ENPP6: variants seen among roughly 807,000 people sequenced by gnomAD.
ENPP6 encodes ectonucleotide pyrophosphatase/phosphodiesterase 6.
In ENPP6, 32 loss-of-function variants were observed where a neutral mutation model predicts 42.0. The observed-to-expected ratio is 0.76, with a 90% CI of 0.58 to 1.02. The LOEUF (loss-of-function observed/expected upper bound fraction) is 1.02. Among genes scored for constraint, ENPP6 ranks in the 50% least tolerant of loss-of-function variants. The pLI, the probability that ENPP6 is intolerant of heterozygous loss-of-function variation, is 0.00. For missense variants in ENPP6, 552 were observed against 566.8 expected (o/e 0.97, Z 0.27); for synonymous variants, 213 against 216.0 (o/e 0.99, Z 0.12).
At chr4:184,178,078 T>C (rs1012311528) in intron 1 of ENPP6, among the ~76,000 whole-genome samples, 1 of 152,006 alleles carries the variant, frequency 6.6e-6, no homozygotes, top group Admixed American at 6.6e-5. Flanking sequence ...TTTGCTGAGC[T>C]AAAGGAGCAT....
intron 1 of ENPP6, among the ~76,000 whole-genome samples, chr4:184,175,272 C>T (rs1264026025): frequency 6.6e-6 from 1 of 152,188 alleles, no homozygotes; most frequent in Non-Finnish European, 1.5e-5. Flanking sequence ...ACACATCTCC[C>T]TGCTTCAGCA....
chr4:184,134,229 T>C (rs1736692123), intron 2 of ENPP6, among the ~76,000 whole-genome samples: 2 of 152,098 alleles, frequency 1.3e-5, no homozygotes, highest in Non-Finnish European at 2.9e-5. Flanking sequence ...TGTTCTTGCC[T>C]CAGCCTCCCA....
At chr4:184,102,819 G>C (rs1477901322) in intron 6 of ENPP6, among the ~76,000 whole-genome samples, 2 of 152,248 alleles carry the variant, frequency 1.3e-5, no homozygotes, top group African/African-American at 4.8e-5. Context: ...GGACCACCCT[G>C]AGCTCAGCCT....
intron 2 of ENPP6, among the ~76,000 whole-genome samples, chr4:184,141,193 T>G (rs1248863965): frequency 6.6e-6 from 1 of 152,122 alleles, no homozygotes; most frequent in Non-Finnish European, 1.5e-5. Context: ...AGGGGGAGTG[T>G]TGTGTGAATC....
chr4:184,145,921 A>G (rs749573296), intron 2 of ENPP6, among the ~76,000 whole-genome samples: 3 of 152,254 alleles, frequency 2.0e-5, no homozygotes, highest in Non-Finnish European at 4.4e-5. Context: ...GGAACAAAGC[A>G]ATCTGGCTGG....
chr4:184,191,406 C>T (rs890730061), intron 1 of ENPP6, among the ~76,000 whole-genome samples: 1 of 152,178 alleles, frequency 6.6e-6, no homozygotes, highest in Non-Finnish European at 1.5e-5. Flanking sequence ...GTACGTTCTG[C>T]TCCCTGCTTG....
rs144247313 is a variant in ENPP6 at position 184,162,949 on chromosome 4, C to T, written c.242-9216G>A. On this transcript the variant is annotated intron_variant, in intron 1 of 7. Coordinates refer to ENST00000296741, the MANE Select transcript of ENPP6 (RefSeq NM_153343.4). Reference sequence around the variant, plus strand: ...CATTACCACCCACCCACTCCGCTCCCCGAGTGGTGAATAGCAAGTGGACCT... The same window carrying T: ...CATTACCACCCACCCACTCCGCTCCTCGAGTGGTGAATAGCAAGTGGACCT... Among the ~76,000 whole-genome samples the T allele has an allele frequency of 1.9e-4, 29 of 152,214 alleles. No individual in the cohort carries two copies. The East Asian group carries it at 5.6e-3, about 29-fold the overall frequency.
chr4:184,101,532 G>A (rs1171533398), intron 6 of ENPP6, among the ~76,000 whole-genome samples: 1 of 152,130 alleles, frequency 6.6e-6, no homozygotes, highest in African/African-American at 2.4e-5. Flanking sequence ...CCATCAGAGA[G>A]AGACAGCTGG....
At chr4:184,153,060 C>G (rs1283118750) in intron 2 of ENPP6, among the ~76,000 whole-genome samples, 1 of 151,692 alleles carries the variant, frequency 6.6e-6, no homozygotes, top group Non-Finnish European at 1.5e-5. Context: ...AGCATTATCT[C>G]TGGTCTGATG....
rs529015134 is a variant in ENPP6, at chr4:184,156,826, C to T, written c.242-3093G>A. ...CAGAGTCTTACTCAAGCATGTTCGA[C>T]GTAGTGACCATCACAAGAAGTTTCT... On this transcript the variant is annotated intron_variant, in intron 1 of 7. Transcript: ENST00000296741. Among the ~76,000 whole-genome samples, 6 of 152,360 alleles carry T rather than the reference C, an allele frequency of 3.9e-5. 1 individual carries two copies. The highest frequency in any genetic ancestry group is 6.5e-5 in the Admixed American group (1 of 15,310).
chr4:184,156,760 T>G (rs1737165657), intron 1 of ENPP6, among the ~76,000 whole-genome samples: 1 of 152,236 alleles, frequency 6.6e-6, no homozygotes, highest in South Asian at 2.1e-4. Flanking sequence ...AGAACTGCTG[T>G]ATGAAGGGGG....
intron 2 of ENPP6, among the ~76,000 whole-genome samples, chr4:184,144,420 C>G (rs141336545): frequency 1.2e-4 from 18 of 152,308 alleles, no homozygotes; most frequent in African/African-American, 4.1e-4. Context: ...CGGGACGGGA[C>G]AGACAGCCCC....
intron 6 of ENPP6, among the ~76,000 whole-genome samples, chr4:184,097,765 G>A (rs1394576818): frequency 6.6e-6 from 1 of 152,178 alleles, no homozygotes; most frequent in Non-Finnish European, 1.5e-5. Context: ...CTGAGGATAA[G>A]AATGTCTTTC....
chr4:184,103,284 T>G (rs1291584289), intron 6 of ENPP6, among the ~76,000 whole-genome samples: 1 of 152,226 alleles, frequency 6.6e-6, no homozygotes, highest in Non-Finnish European at 1.5e-5. Context: ...TCATGGGGTG[T>G]GGGGTCAGGG....
At chr4:184,131,958 GTCCTAATTCA>G (rs1736644422) in intron 2 of ENPP6, among the ~76,000 whole-genome samples, 2 of 152,080 alleles carry the variant, frequency 1.3e-5, no homozygotes, top group African/African-American at 4.8e-5. Flanking sequence ...TCCTAATTCA[GTCCTAATTCA>G]GTCTGAAGGC....
intron 2 of ENPP6, among the ~76,000 whole-genome samples, chr4:184,144,636 G>A (rs1042188138): frequency 2.0e-5 from 3 of 152,214 alleles, no homozygotes; most frequent in African/African-American, 4.8e-5. Flanking sequence ...AAAGGGAGGT[G>A]GCAGGGCTGC....
At chr4:184,093,778 C>T (rs1371264271) in intron 7 of ENPP6, among the ~76,000 whole-genome samples, 1 of 152,072 alleles carries the variant, frequency 6.6e-6, no homozygotes, top group Non-Finnish European at 1.5e-5. Flanking sequence ...ATGGTAGTTA[C>T]ACTTCCCTAT....
chr4:184,170,131 A>G (rs1206109890), intron 1 of ENPP6, among the ~76,000 whole-genome samples: 1 of 152,218 alleles, frequency 6.6e-6, no homozygotes, highest in Non-Finnish European at 1.5e-5. Context: ...AAATTCGTTT[A>G]TTTGAATCAG....
rs116335024 is a variant in ENPP6 at position 184,157,756 on chromosome 4, C to T, written c.242-4023G>A. Among the ~76,000 whole-genome samples the T allele has an allele frequency of 8.9e-3, 1,320 of 148,566 alleles. 17 individuals are homozygous for T. The highest frequency in any genetic ancestry group is 0.066 in the South Asian group (308 of 4,656). ...CCAAGTAGCTGGGACCACAGGCATG[C>T]GCCACCAAACTTGGCTAATTTTTTT... On this transcript the variant is annotated intron_variant, in intron 1 of 7. Coordinates refer to ENST00000296741, the MANE Select transcript of ENPP6 (RefSeq NM_153343.4).
Sources: allele counts gnomAD v4.1 joint callset (sites outside exome capture counted in the v4.1 genomes callset), GRCh38; gene constraint gnomAD v4.1.1; transcripts MANE v1.5; gene names NCBI Gene and HGNC (gene_info 2026-07-23, HGNC 2026-07-21).